Variants in C17orf75 observed in about 807,000 individuals in gnomAD.
The protein encoded by C17orf75 is chromosome 17 open reading frame 75.
In C17orf75, 32 loss-of-function variants were observed where a neutral mutation model predicts 49.6. That is an observed-to-expected ratio of 0.65 (90% CI 0.49 to 0.87). The LOEUF is 0.87. C17orf75 is among the 40% of genes least tolerant of loss of function. The probability of loss-of-function intolerance (pLI) is 0.00; values close to 1 mark genes in which losing one functional copy is unlikely to be tolerated. For missense variants in C17orf75, 428 were observed against 473.9 expected (o/e 0.90, Z 0.90); for synonymous variants, 158 against 159.5 (o/e 0.99, Z 0.07).
At chr17:32,341,037 T>A in intron 2 of C17orf75, 167 bp downstream of exon 2, 1 of 692,684 alleles carries the variant, frequency 1.4e-6, no homozygotes, top group East Asian at 2.6e-5. Flanking sequence ...CAGCCTTGAA[T>A]GAACCAGCCA....
intron 1 of C17orf75, 77 bp from the exon 2 acceptor site, chr17:32,341,361 G>A (rs2041379098): frequency 2.8e-6 from 4 of 1,446,976 alleles, no homozygotes; most frequent in Middle Eastern, 1.8e-4. Flanking sequence ...GGCAAGCAGG[G>A]TAAGGCAAGG....
At chr17:32,335,738 C>CA (rs1211922646) in intron 5 of C17orf75, among the ~76,000 whole-genome samples, 1 of 152,182 alleles carries the variant, frequency 6.6e-6, no homozygotes, top group African/African-American at 2.4e-5. Flanking sequence ...GTTGGGCACT[C>CA]ACAAGTCCCT....
At position 32,328,826 on chromosome 17, in the gene C17orf75, G is replaced by C. The variant is rs1008062631; in HGVS notation, c.*2937C>G. The C allele has an allele frequency of 6.6e-6, 1 of 151,890 alleles. No homozygotes were observed. Among genetic ancestry groups the C allele is most frequent in the Non-Finnish European group, 1.5e-5 (1 of 68,000 alleles). 9.4% of individuals were successfully genotyped at this position (151,890 alleles called of 1,614,324 possible). A position where few individuals can be genotyped will look rare whatever the true frequency, so the allele number is the denominator to read the frequency against. On this transcript the variant is annotated 3_prime_UTR_variant, in exon 10 of 10. Transcript: ENST00000577809. Reference sequence around the variant, plus strand: ...AATCACTTGAACCTGGGAGGCAGAGGTTGCAGTGAGCCAAGATTGCACCAC... The same window carrying C: ...AATCACTTGAACCTGGGAGGCAGAGCTTGCAGTGAGCCAAGATTGCACCAC...
At position 32,342,106 on chromosome 17, in the gene C17orf75, CTCCA is replaced by C; in HGVS notation, c.30_33del (p.Asp10GlufsTer6). ...TCGCTGCTCTCTAGTTCCTTTTCAT[CTCCA>C]TCCATCGACTCCTGCAAAGAGGGGA... On this transcript the variant is annotated frameshift_variant, in exon 1 of 10. Coordinates refer to ENST00000577809, the MANE Select transcript of C17orf75 (RefSeq NM_022344.4). LOFTEE classifies it high-confidence loss of function. 1 of 1,601,678 alleles carries C rather than the reference CTCCA, an allele frequency of 6.2e-7. No homozygotes were observed. The highest frequency in any genetic ancestry group is 8.5e-7 in the Non-Finnish European group (1 of 1,174,842).
At chr17:32,334,879 C>T in intron 6 of C17orf75, 40 bp from the exon 7 acceptor site, 2 of 1,528,626 alleles carry the variant, frequency 1.3e-6, no homozygotes, top group Non-Finnish European at 1.8e-6. Context: ...ACATATATTC[C>T]AGTTTTTCTT....
intron 2 of C17orf75, 78 bp from the exon 3 acceptor site, chr17:32,340,016 A>C (rs1433399263): frequency 2.0e-6 from 3 of 1,538,410 alleles, no homozygotes; most frequent in Non-Finnish European, 2.6e-6. Flanking sequence ...GAATGGTACC[A>C]ACGCCAGGGG....
upstream of C17orf75, among the ~76,000 whole-genome samples, chr17:32,345,750 G>A (rs1253967845): frequency 6.6e-6 from 1 of 152,006 alleles, no homozygotes; most frequent in Non-Finnish European, 1.5e-5. Flanking sequence ...GAATCCCCAT[G>A]TTCGTCAGGC....
chr17:32,349,492 A>G (rs1416276297), intron 1 of C17orf75, among the ~76,000 whole-genome samples: 1 of 152,098 alleles, frequency 6.6e-6, no homozygotes, highest in African/African-American at 2.4e-5. Flanking sequence ...GAGGTAGGAG[A>G]ATCGCTTGAA....
At chr17:32,334,880 A>T in intron 6 of C17orf75, 41 bp from the exon 7 acceptor site, 1 of 1,524,856 alleles carries the variant, frequency 6.6e-7, no homozygotes, top group Non-Finnish European at 8.9e-7. Flanking sequence ...CATATATTCC[A>T]GTTTTTCTTG....
In C17orf75 at chr17:32,334,479, G is replaced by C; in HGVS notation, c.861C>G (p.Phe287Leu). The C allele has an allele frequency of 5.0e-6, 8 of 1,611,842 alleles. No individual in the cohort carries two copies. The highest frequency in any genetic ancestry group is 6.8e-6 in the Non-Finnish European group (8 of 1,179,114). The change falls in exon 8 of 10, where the codon TTC (phenylalanine) becomes TTG (leucine). Residue 287 changes from phenylalanine to leucine, a missense_variant. Physicochemically the swap from Phe to Leu is conservative, Grantham distance 22. Transcript: ENST00000577809. ...VIDCSSSQPQFCNAGSNRFCE... is the reference protein window; with the variant it reads ...VIDCSSSQPQLCNAGSNRFCE... ...GAGGTTGTAGCTCACCTGCATTGCA[G>C]AACTGAGGCTGGGAGCTGCTGCAAT...
chr17:32,341,105 G>A lies in C17orf75; in HGVS notation c.221+99C>T, dbSNP rs1423922925. ...AGGAGGAATTGACGGTTTGACTCAG[G>A]GAAAGCTCAGTGGAAATAGAGTATC... On this transcript the variant is annotated intron_variant, in intron 2 of 9. Transcript: ENST00000577809. The A allele has an allele frequency of 5.4e-6, 7 of 1,285,840 alleles. No individual in the cohort carries two copies. The Admixed American group carries it at 1.0e-4, about 19-fold the overall frequency. 79.7% of individuals were successfully genotyped at this position (1,285,840 alleles called of 1,614,324 possible).
intron 9 of C17orf75, among the ~76,000 whole-genome samples, chr17:32,332,240 T>G (rs1222999964): frequency 6.6e-6 from 1 of 152,140 alleles, no homozygotes; most frequent in Non-Finnish European, 1.5e-5. Context: ...CCTCCTGGGT[T>G]CAAGTGATTC....
At chr17:32,348,883 T>TTTTTTTA (rs2041451900) in intron 1 of C17orf75, among the ~76,000 whole-genome samples, 1 of 149,438 alleles carries the variant, frequency 6.7e-6, no homozygotes, top group African/African-American at 2.5e-5. Flanking sequence ...TTTTTTTTTT[T>TTTTTTTA]GAGACGGAGT....
At chr17:32,349,766 G>A (rs2041466780) in intron 1 of C17orf75, among the ~76,000 whole-genome samples, 1 of 152,142 alleles carries the variant, frequency 6.6e-6, no homozygotes, top group Non-Finnish European at 1.5e-5. Flanking sequence ...ACAAAGCAGA[G>A]ACTAACTTAT....
At chr17:32,333,356 G>C in intron 9 of C17orf75, 61 bp downstream of exon 9, 2 of 1,162,608 alleles carry the variant, frequency 1.7e-6, no homozygotes, top group East Asian at 4.7e-5. Flanking sequence ...TCTGTCACTG[G>C]TACTAATTAA....
rs1197191925 is a variant in C17orf75, at chr17:32,335,458, A to G, written c.550-16T>C. On this transcript the variant is annotated splice_polypyrimidine_tract_variant and intron_variant, in intron 5 of 9. Transcript: ENST00000577809. ...GGCCCCTTGCCTAAATCAAGAAAGA[A>G]CATCATTTGCTTTAATATAAGCCTT... 1.2e-6 allele frequency: 2 copies of G among 1,611,592 alleles called. No individual in the cohort carries two copies. Among genetic ancestry groups the G allele is most frequent in the African/African-American group, 1.3e-5 (1 of 74,762 alleles).
intron 5 of C17orf75, among the ~76,000 whole-genome samples, chr17:32,335,912 G>A (rs756529073): frequency 1.3e-5 from 2 of 152,162 alleles, no homozygotes; most frequent in Non-Finnish European, 2.9e-5. Flanking sequence ...GAATGTGAAT[G>A]GGGAAGGATA....
upstream of C17orf75, among the ~76,000 whole-genome samples, chr17:32,346,929 T>G (rs1190451528): frequency 1.3e-5 from 2 of 152,104 alleles, no homozygotes; most frequent in African/African-American, 4.8e-5. Context: ...GGGGAATTTA[T>G]GAATAACAGA....
chr17:32,342,918 T>G (rs556263249), upstream of C17orf75, among the ~76,000 whole-genome samples: 2 of 152,314 alleles, frequency 1.3e-5, no homozygotes, highest in East Asian at 3.9e-4. Flanking sequence ...TGGTACCAGT[T>G]TTCTGTCTCA....
Sources: allele counts gnomAD v4.1 joint callset (sites outside exome capture counted in the v4.1 genomes callset), GRCh38; gene constraint gnomAD v4.1.1; transcripts MANE v1.5; gene names NCBI Gene and HGNC (gene_info 2026-07-23, HGNC 2026-07-21).